The following HCN1 variants were observed in gnomAD, a reference collection of about 807,000 sequenced individuals.
The protein encoded by HCN1 is potassium/sodium hyperpolarization-activated cyclic nucleotide-gated channel 1.
A neutral mutation model predicts 78.9 loss-of-function variants in HCN1; 13 were observed. The ratio of observed to expected loss-of-function variants is 0.16; its 90% CI spans 0.11 to 0.26. The LOEUF (loss-of-function observed/expected upper bound fraction) is 0.26, where lower values mean the gene tolerates loss of function less well. Ranked by LOEUF, HCN1 falls within the 10% of genes least tolerant of loss-of-function variation. The pLI is 1.00. For missense variants in HCN1, 810 were observed against 1,154.3 expected, an observed-to-expected ratio of 0.70 and a Z score of 4.32; for synonymous variants, 552 against 455.5, an observed-to-expected ratio of 1.21 and a Z score of -2.70.
At chr5:45,440,278 C>T (rs1178742786) in intron 3 of HCN1, among the ~76,000 whole-genome samples, 3 of 152,140 alleles carry the variant, frequency 2.0e-5, no homozygotes, top group African/African-American at 7.2e-5. Flanking sequence ...GAATGTAGAA[C>T]TCCCAGGGTA....
chr5:45,612,939 C>A (rs1448329839), intron 2 of HCN1, among the ~76,000 whole-genome samples: 1 of 152,148 alleles, frequency 6.6e-6, no homozygotes, highest in Admixed American at 6.5e-5. Flanking sequence ...CCTCAACTGG[C>A]AGCTATCCCT....
chr5:45,523,588 AT>A (rs1742663441), intron 2 of HCN1, among the ~76,000 whole-genome samples: 1 of 151,968 alleles, frequency 6.6e-6, no homozygotes, highest in East Asian at 1.9e-4. Context: ...TGTGGTTTTG[AT>A]TTGCATTTCT....
intron 2 of HCN1, chr5:45,559,901 C>A (rs1368038140): frequency 6.6e-6 from 1 of 152,120 alleles, no homozygotes; most frequent in African/African-American, 2.4e-5. Flanking sequence ...ATTGCCACAG[C>A]CATTCCAACC....
intron 5 of HCN1, among the ~76,000 whole-genome samples, chr5:45,314,656 G>A (rs1216408853): frequency 5.3e-5 from 8 of 152,064 alleles, no homozygotes; most frequent in Admixed American, 5.2e-4. Context: ...TCAGTGTGCT[G>A]TATTCAGGAG....
chr5:45,374,185 TTATATAC>T, intron 4 of HCN1, among the ~76,000 whole-genome samples: 1 of 123,212 alleles, frequency 8.1e-6, no homozygotes, highest in Non-Finnish European at 1.6e-5. Flanking sequence ...ATATTATATA[TTATATAC>T]ATTATATACA....
chr5:45,603,402 A>G (rs1177119303), intron 2 of HCN1, among the ~76,000 whole-genome samples: 1 of 152,120 alleles, frequency 6.6e-6, no homozygotes. Flanking sequence ...GATAAATAGA[A>G]GCAAGACAAT....
chr5:45,438,506 G>C lies in HCN1; in HGVS notation c.1011+23340C>G, dbSNP rs529405165. 1.3e-3 allele frequency among the ~76,000 whole-genome samples: 191 copies of C among 151,790 alleles called. 1 individual carries two copies. Among genetic ancestry groups the C allele is most frequent in the African/African-American group, 4.4e-3 (184 of 41,430 alleles). On this transcript the variant is annotated intron_variant, in intron 3 of 7. Transcript: ENST00000303230. ...CTTGGGGGGCTGAGGTAGGAGAATG[G>C]CGTGAACCTGGGAGGTGGAGCTTGC...
chr5:45,473,269 C>T (rs1741434526), intron 2 of HCN1, among the ~76,000 whole-genome samples: 1 of 151,916 alleles, frequency 6.6e-6, no homozygotes, highest in Non-Finnish European at 1.5e-5. Context: ...ACAACTACTT[C>T]ATGGTTTTAA....
At chr5:45,473,418 T>G (rs1016240470) in intron 2 of HCN1, among the ~76,000 whole-genome samples, 1 of 151,874 alleles carries the variant, frequency 6.6e-6, no homozygotes, top group Non-Finnish European at 1.5e-5. Flanking sequence ...ACCTCAATCA[T>G]GAGAATACAC....
At chr5:45,647,955 T>C (rs1027155891) in intron 1 of HCN1, among the ~76,000 whole-genome samples, 3 of 152,222 alleles carry the variant, frequency 2.0e-5, no homozygotes, top group African/African-American at 7.2e-5. Context: ...CAGAAAGTCT[T>C]ACCAGCTGTT....
chr5:45,280,381 A>G (rs1745133764), intron 6 of HCN1, among the ~76,000 whole-genome samples: 1 of 152,218 alleles, frequency 6.6e-6, no homozygotes, highest in Non-Finnish European at 1.5e-5. Flanking sequence ...TTTGACTAAT[A>G]TTAACTTCTC....
chr5:45,616,374 C>T lies in HCN1; in HGVS notation c.849+28811G>A, dbSNP rs115013931. Among the ~76,000 whole-genome samples the T allele has an allele frequency of 5.9e-5, 9 of 151,866 alleles. No homozygotes were observed. The South Asian group carries it at 1.0e-3, about 17-fold the overall frequency. Reference sequence around the variant, plus strand: ...AAGGGTATTTTAAGGGCTGAGAGTGCGCCTAAAATAGTAAAAAATTAAAAT... The same window carrying T: ...AAGGGTATTTTAAGGGCTGAGAGTGTGCCTAAAATAGTAAAAAATTAAAAT... On this transcript the variant is annotated intron_variant, in intron 2 of 7. Coordinates refer to ENST00000303230, the MANE Select transcript of HCN1 (RefSeq NM_021072.4).
rs1187998453 is a variant in HCN1 at position 45,258,190 on chromosome 5, T to C, written c.*3731A>G. 2 of 151,874 alleles carry C rather than the reference T, an allele frequency of 1.3e-5. No individual in the cohort carries two copies. The highest frequency in any genetic ancestry group is 4.8e-5 in the African/African-American group (2 of 41,412). The allele number at this position is 151,874 out of a possible 1,614,324, so 9.4% of individuals were successfully genotyped here. ...TAAGCTGAAAGAGGAGGTATGGAGA[T>C]TTTTTAAATAGTCCTGAAAGATAAT... On this transcript the variant is annotated 3_prime_UTR_variant, in exon 8 of 8. Transcript: ENST00000303230.
intron 4 of HCN1, among the ~76,000 whole-genome samples, chr5:45,359,956 T>TAC (rs1561123323): frequency 6.6e-6 from 1 of 150,732 alleles, no homozygotes; most frequent in African/African-American, 2.4e-5. Flanking sequence ...TATATATATA[T>TAC]ATATTTTTTT....
chr5:45,564,847 G>A (rs898284081), intron 2 of HCN1, among the ~76,000 whole-genome samples: 2 of 152,146 alleles, frequency 1.3e-5, no homozygotes, highest in South Asian at 4.1e-4. Flanking sequence ...GGGAAGAAAA[G>A]AAATGACAGC....
At chr5:45,614,237 A>G (rs184522549) in intron 2 of HCN1, among the ~76,000 whole-genome samples, 14 of 152,230 alleles carry the variant, frequency 9.2e-5, no homozygotes, top group African/African-American at 3.1e-4. Context: ...TTTCATTTGT[A>G]TCCTGGAAGA....
At chr5:45,508,271 A>G (rs1238844175) in intron 2 of HCN1, among the ~76,000 whole-genome samples, 1 of 152,142 alleles carries the variant, frequency 6.6e-6, no homozygotes, top group African/African-American at 2.4e-5. Flanking sequence ...AGGCCACTGT[A>G]TCTTACTTTT....
chr5:45,279,549 T>C (rs1307809342), intron 6 of HCN1, among the ~76,000 whole-genome samples: 2 of 152,126 alleles, frequency 1.3e-5, no homozygotes, highest in African/African-American at 4.8e-5. Context: ...CACATAAAAG[T>C]AACAATATAC....
intron 2 of HCN1, among the ~76,000 whole-genome samples, chr5:45,580,036 T>A (rs1744027776): frequency 6.6e-6 from 1 of 152,094 alleles, no homozygotes; most frequent in Admixed American, 6.6e-5. Context: ...AGTCGCCTAT[T>A]CAAAGCCACA....
Sources: allele counts gnomAD v4.1 joint callset (sites outside exome capture counted in the v4.1 genomes callset), GRCh38; gene constraint gnomAD v4.1.1; transcripts MANE v1.5; gene names NCBI Gene and HGNC (gene_info 2026-07-23, HGNC 2026-07-21).